UBE2K: variants seen among roughly 807,000 people sequenced by gnomAD.
The protein encoded by UBE2K is ubiquitin-conjugating enzyme E2 K.
In UBE2K, 6 loss-of-function variants were observed where a neutral mutation model predicts 30.0. The ratio of observed to expected loss-of-function variants is 0.20; its 90% CI spans 0.11 to 0.39. The LOEUF (loss-of-function observed/expected upper bound fraction) is 0.39, where lower values mean the gene tolerates loss of function less well. UBE2K is among the 10% of genes least tolerant of loss of function. UBE2K has a pLI of 1.00. For missense variants in UBE2K, 61 were observed against 241.6 expected, an observed-to-expected ratio of 0.25 and a Z score of 4.96; for synonymous variants, 86 against 83.7, an observed-to-expected ratio of 1.03 and a Z score of -0.15.
chr4:39,722,012 C>T (rs1048234906), intron 1 of UBE2K, among the ~76,000 whole-genome samples: 1 of 152,024 alleles, frequency 6.6e-6, no homozygotes, highest in African/African-American at 2.4e-5. Flanking sequence ...TTGCTTGAGC[C>T]CAGTAGGTAC....
Position 39,779,787 on chromosome 4 carries a change from CAAA to C in UBE2K, c.*1356_*1358del, listed in dbSNP as rs1378002477. ...AATTTTTAGGACCAATACAAAATAA[CAAA>C]AATGTAATGGAATCAGACTGAATTA... On this transcript the variant is annotated 3_prime_UTR_variant, in exon 7 of 7. Coordinates refer to ENST00000261427, the MANE Select transcript of UBE2K (RefSeq NM_005339.5). 1 of 151,886 alleles carries C rather than the reference CAAA, an allele frequency of 6.6e-6. No homozygotes were observed. Among genetic ancestry groups the C allele is most frequent in the Non-Finnish European group, 1.5e-5 (1 of 67,954 alleles). 9.4% of individuals were successfully genotyped at this position (151,886 alleles called of 1,614,324 possible).
intron 4 of UBE2K, among the ~76,000 whole-genome samples, chr4:39,762,936 CTTTTT>C (rs869207095): frequency 0.011 from 848 of 78,646 alleles, 13 homozygotes; most frequent in Non-Finnish European, 0.016. Flanking sequence ...CCAAAAAACA[CTTTTT>C]TTTTTTTTTT....
chr4:39,721,680 A>G (rs1230727592), intron 1 of UBE2K, among the ~76,000 whole-genome samples: 1 of 152,166 alleles, frequency 6.6e-6, no homozygotes, highest in South Asian at 2.1e-4. Flanking sequence ...TTATCAATAA[A>G]ATTTTGAAGA....
At chr4:39,717,603 T>G (rs976185543) in intron 1 of UBE2K, among the ~76,000 whole-genome samples, 3 of 152,194 alleles carry the variant, frequency 2.0e-5, no homozygotes, top group Admixed American at 2.0e-4. Context: ...TGTTACATCA[T>G]TCTCTGTTAG....
intron 4 of UBE2K, among the ~76,000 whole-genome samples, chr4:39,773,436 C>T (rs1250421399): frequency 1.3e-5 from 2 of 151,842 alleles, no homozygotes; most frequent in Non-Finnish European, 2.9e-5. Flanking sequence ...CCACTGCACT[C>T]CAGCCTCGGC....
At chr4:39,701,713 G>A (rs1718022633) in intron 1 of UBE2K, among the ~76,000 whole-genome samples, 1 of 150,690 alleles carries the variant, frequency 6.6e-6, no homozygotes, top group Non-Finnish European at 1.5e-5. Context: ...TGAAATAAGT[G>A]TTACCTATAA....
intron 1 of UBE2K, among the ~76,000 whole-genome samples, chr4:39,713,286 A>ATTATTTTTTTTTTTTTTTTTT (rs1718816538): frequency 1.2e-5 from 1 of 83,582 alleles, no homozygotes; most frequent in African/African-American, 5.4e-5. Flanking sequence ...TCTGTAGGAA[A>ATTATTTTTTTTTTTTTTTTTT]TTTTTTTTTT....
At chr4:39,731,655 C>CA (rs1438560507) in intron 1 of UBE2K, among the ~76,000 whole-genome samples, 1 of 150,398 alleles carries the variant, frequency 6.6e-6, no homozygotes, top group African/African-American at 2.5e-5. Context: ...GACTCCATCT[C>CA]AAAAAAATAA....
At chr4:39,728,755 C>T (rs1719894408) in intron 1 of UBE2K, among the ~76,000 whole-genome samples, 1 of 151,926 alleles carries the variant, frequency 6.6e-6, no homozygotes, top group Admixed American at 6.6e-5. Flanking sequence ...TCTCCTGCCT[C>T]AGCCTCCGGA....
chr4:39,701,489 T>C (rs1042944032), intron 1 of UBE2K, among the ~76,000 whole-genome samples: 1 of 152,198 alleles, frequency 6.6e-6, no homozygotes, highest in Non-Finnish European at 1.5e-5. Context: ...TCCTATTTCC[T>C]AGATGAGAAA....
chr4:39,773,850 G>A (rs1049672532), intron 4 of UBE2K, among the ~76,000 whole-genome samples: 11 of 151,956 alleles, frequency 7.2e-5, no homozygotes, highest in African/African-American at 2.4e-5. Context: ...GAACCCGGGA[G>A]GCGGAGCTTG....
intron 1 of UBE2K, among the ~76,000 whole-genome samples, chr4:39,702,231 CTTTTTTTTTTTTTTTTTTTTTTTT>C (rs564712672): frequency 4.5e-5 from 3 of 67,390 alleles, no homozygotes; most frequent in Admixed American, 1.7e-4. Flanking sequence ...CTTTTCTTTT[CTTTTTTTTTTTTTTTTTTTTTTTT>C]TTTTTTTTTT....
At chr4:39,731,297 G>A (rs1720062432) in intron 1 of UBE2K, among the ~76,000 whole-genome samples, 1 of 152,214 alleles carries the variant, frequency 6.6e-6, no homozygotes, top group Non-Finnish European at 1.5e-5. Flanking sequence ...TTTTTAGTAA[G>A]GATCATACAT....
chr4:39,733,790 G>A (rs1720205568), intron 1 of UBE2K, among the ~76,000 whole-genome samples: 1 of 152,138 alleles, frequency 6.6e-6, no homozygotes, highest in Non-Finnish European at 1.5e-5. Flanking sequence ...ACAAGTAAGC[G>A]ACAGAACTAG....
chr4:39,747,392 C>G (rs1560364664), intron 3 of UBE2K, among the ~76,000 whole-genome samples: 2 of 152,196 alleles, frequency 1.3e-5, no homozygotes, highest in African/African-American at 4.8e-5. Flanking sequence ...ACCACTGTTT[C>G]TGTTTCTCCG....
chr4:39,752,278 G>A (rs374182458), intron 3 of UBE2K, among the ~76,000 whole-genome samples: 1 of 149,606 alleles, frequency 6.7e-6, no homozygotes, highest in East Asian at 1.9e-4. Context: ...TGCAGTAGCT[G>A]GGACTACAGG....
At chr4:39,730,685 T>C (rs1324460034) in intron 1 of UBE2K, among the ~76,000 whole-genome samples, 1 of 151,920 alleles carries the variant, frequency 6.6e-6, no homozygotes, top group Non-Finnish European at 1.5e-5. Context: ...GAAGGATCGC[T>C]TGAACCCCCA....
intron 3 of UBE2K, among the ~76,000 whole-genome samples, chr4:39,746,752 A>G (rs1281012379): frequency 1.3e-5 from 2 of 152,142 alleles, no homozygotes; most frequent in African/African-American, 2.4e-5. Context: ...CTTTGTCCCT[A>G]TTATTTAAAA....
intron 4 of UBE2K, among the ~76,000 whole-genome samples, chr4:39,773,813 C>G (rs928335558): frequency 2.7e-5 from 4 of 150,330 alleles, no homozygotes; most frequent in African/African-American, 9.8e-5. Context: ...CCCAGCTACT[C>G]GGGAGGCTGA....
Sources: allele counts gnomAD v4.1 joint callset (sites outside exome capture counted in the v4.1 genomes callset), GRCh38; gene constraint gnomAD v4.1.1; transcripts MANE v1.5; gene names NCBI Gene and HGNC (gene_info 2026-07-23, HGNC 2026-07-21).